EIF5B: variants seen among roughly 807,000 people sequenced by gnomAD.
The protein encoded by EIF5B is eIF-5B.
EIF5B carries 47 observed loss-of-function variants against 147.5 expected under a neutral mutation model. That is an observed-to-expected ratio of 0.32 (90% confidence interval 0.25 to 0.41). EIF5B has a LOEUF of 0.41. Ranked by LOEUF, EIF5B falls within the 10% of genes least tolerant of loss-of-function variation. EIF5B has a pLI of 1.00. For synonymous variants in EIF5B, 455 were observed against 456.2 expected, an observed-to-expected ratio of 1.00 and a Z score of 0.03; for missense variants, 1,064 against 1,413.2, an observed-to-expected ratio of 0.75 and a Z score of 3.96.
rs534216358 is a variant in EIF5B at position 99,355,413 on chromosome 2, T to C, written c.36-4823T>C. Among the ~76,000 whole-genome samples the C allele has an allele frequency of 9.2e-5, 14 of 152,278 alleles. No individual in the cohort carries two copies. The East Asian group carries it at 1.9e-3, about 21-fold the overall frequency. ...GTCATCTTTACTGTGTTGAGTCTTA[T>C]AGCCCATGAACATGGCATGTCTCTT... On this transcript the variant is annotated intron_variant, in intron 1 of 23. Coordinates refer to ENST00000289371, the MANE Select transcript of EIF5B (RefSeq NM_015904.4).
At chr2:99,347,875 G>C (rs2094276758) in intron 1 of EIF5B, among the ~76,000 whole-genome samples, 1 of 152,116 alleles carries the variant, frequency 6.6e-6, no homozygotes, top group Non-Finnish European at 1.5e-5. Context: ...ACAGTATACT[G>C]TGATAAAGTG....
intron 22 of EIF5B, 122 bp downstream of exon 22, chr2:99,397,020 C>A: frequency 1.8e-6 from 2 of 1,095,140 alleles, no homozygotes; most frequent in Non-Finnish European, 2.4e-6. Context: ...TTAGTGTGGT[C>A]TCCACCTTCT....
rs980434085 is a variant in EIF5B at position 99,394,711 on chromosome 2, C to A, written c.3090-8C>A. On this transcript the variant is annotated splice_polypyrimidine_tract_variant and splice_region_variant and intron_variant, in intron 20 of 23. Coordinates refer to ENST00000289371, the MANE Select transcript of EIF5B (RefSeq NM_015904.4). ...CTGAATGGTCTTTGATGTGTTTTAA[C>A]CTTTTAGGTATGCAGTAATTTTGGC... 1.2e-6 allele frequency: 2 copies of A among 1,610,966 alleles called. No homozygotes were observed. The highest frequency in any genetic ancestry group is 1.7e-6 in the Non-Finnish European group (2 of 1,179,028).
intron 1 of EIF5B, among the ~76,000 whole-genome samples, chr2:99,343,779 A>G (rs1417727455): frequency 6.6e-6 from 1 of 151,984 alleles, no homozygotes; most frequent in Admixed American, 6.6e-5. Flanking sequence ...GCACCACTGC[A>G]CGTCAGCCTG....
chr2:99,346,968 A>G (rs2094274728), intron 1 of EIF5B, among the ~76,000 whole-genome samples: 1 of 151,996 alleles, frequency 6.6e-6, no homozygotes, highest in Non-Finnish European at 1.5e-5. Flanking sequence ...ATAAACTTGT[A>G]TCTCTGTAAT....
In EIF5B at chr2:99,337,581, C is replaced by T. The variant is rs1237892765; in HGVS notation, c.27C>T (p.Ser9=). 6.2e-7 allele frequency: 1 copy of T among 1,612,822 alleles called. No homozygotes were observed. Among genetic ancestry groups the T allele is most frequent in the Non-Finnish European group, 8.5e-7 (1 of 1,179,538 alleles). MGKKQKNK[S]EDSTKDDIDL... is the part of the protein sequence containing the mutation. ...TGGGGAAGAAACAGAAAAACAAGAG[C>T]GAAGACAGGTAGATAGGGGTTGGGT... is the stretch of plus-strand genomic sequence containing the variant. The change falls in exon 1 of 24, where the codon AGC becomes AGT. Residue 9 remains serine, a synonymous_variant. Transcript: ENST00000289371.
At chr2:99,342,523 T>C (rs1318106138) in intron 1 of EIF5B, among the ~76,000 whole-genome samples, 1 of 152,218 alleles carries the variant, frequency 6.6e-6, no homozygotes, top group African/African-American at 2.4e-5. Context: ...TCTTTAGGAT[T>C]TGGCTTTTTC....
chr2:99,397,282 A>C (rs1675073616), intron 22 of EIF5B: 1 of 156,800 alleles, frequency 6.4e-6, no homozygotes, highest in African/African-American at 2.4e-5. Flanking sequence ...ATGAACACTC[A>C]TGTTTACCTT....
At chr2:99,376,707 C>T (rs1674572626) in intron 10 of EIF5B, 71 bp downstream of exon 10, 2 of 1,503,808 alleles carry the variant, frequency 1.3e-6, no homozygotes, top group Admixed American at 2.3e-5. Context: ...TACTCTACAA[C>T]TAAAGGCTTT....
intron 10 of EIF5B, 21 bp from the exon 11 acceptor site, chr2:99,378,995 ATTT>A (rs200706463): frequency 5.3e-4 from 668 of 1,267,536 alleles, no homozygotes; most frequent in South Asian, 9.0e-4. Context: ...TTAATTTTTG[ATTT>A]TTTTTTTTTT....
At chr2:99,362,438 T>C (rs931364270) in intron 4 of EIF5B, among the ~76,000 whole-genome samples, 3 of 152,046 alleles carry the variant, frequency 2.0e-5, no homozygotes, top group African/African-American at 7.2e-5. Flanking sequence ...GGCGCGGTGG[T>C]TCACGCCTAT....
At chr2:99,398,583 C>A in intron 22 of EIF5B, 165 bp from the exon 23 acceptor site, 2 of 651,292 alleles carry the variant, frequency 3.1e-6, no homozygotes, top group Non-Finnish European at 5.1e-6. Flanking sequence ...TTGGTGGTGC[C>A]AGCCTAGTTT....
At chr2:99,382,729 G>A (rs1674715761) in intron 13 of EIF5B, 51 bp from the exon 14 acceptor site, 2 of 1,511,282 alleles carry the variant, frequency 1.3e-6, no homozygotes, top group East Asian at 2.3e-5. Context: ...TTTAAGAAAA[G>A]TATTAATTTC....
At chr2:99,379,476 A>G in intron 12 of EIF5B, 48 bp downstream of exon 12, 6 of 1,407,782 alleles carry the variant, frequency 4.3e-6, no homozygotes, top group African/African-American at 1.4e-5. Flanking sequence ...AAAAATTAAG[A>G]TATGAACTAT....
At chr2:99,350,662 T>C (rs1381848936) in intron 1 of EIF5B, among the ~76,000 whole-genome samples, 2 of 152,214 alleles carry the variant, frequency 1.3e-5, no homozygotes, top group Non-Finnish European at 2.9e-5. Flanking sequence ...TATTAACCCC[T>C]TGTTAGATAT....
chr2:99,359,464 T>G (rs536085993), intron 1 of EIF5B, among the ~76,000 whole-genome samples: 1 of 152,334 alleles, frequency 6.6e-6, no homozygotes, highest in Non-Finnish European at 1.5e-5. Context: ...AGTTGTTTTC[T>G]TACTGTGCCA....
At chr2:99,384,320 A>G (rs1318072106) in intron 14 of EIF5B, among the ~76,000 whole-genome samples, 4 of 146,048 alleles carry the variant, frequency 2.7e-5, no homozygotes, top group Admixed American at 6.6e-5. Flanking sequence ...GTTGAGACCA[A>G]CTGCTCAGAG....
chr2:99,389,191 C>T (rs1440641805), intron 14 of EIF5B, among the ~76,000 whole-genome samples: 2 of 152,096 alleles, frequency 1.3e-5, no homozygotes, highest in Non-Finnish European at 2.9e-5. Context: ...GTTTGGCTAG[C>T]AAGTATTTTT....
chr2:99,379,344 T>C lies in EIF5B; in HGVS notation c.1977T>C (p.Gly659=). The part of the protein sequence containing the change: ...DKLRHTHVQD[G]EAGGITQQIG... Reference sequence around the variant, plus strand: ...TCCGTCACACACATGTACAAGATGGTGAAGCAGGTGGTATCACACAACAAA... The same window carrying C: ...TCCGTCACACACATGTACAAGATGGCGAAGCAGGTGGTATCACACAACAAA... The change falls in exon 12 of 24, where the codon GGT becomes GGC. Residue 659 remains glycine, a synonymous_variant. Transcript: ENST00000289371. The C allele has an allele frequency of 6.2e-7, 1 of 1,613,728 alleles. No homozygotes were observed. Among genetic ancestry groups the C allele is most frequent in the East Asian group, 2.2e-5 (1 of 44,864 alleles).
Sources: gnomAD v4.1 joint callset for allele counts (sites outside exome capture counted in the v4.1 genomes callset) on GRCh38, gnomAD v4.1.1 for gene constraint, MANE v1.5 for transcripts, NCBI Gene and HGNC (gene_info 2026-07-23, HGNC 2026-07-21) for gene names.